The following HTR2C variants were observed in gnomAD, a reference collection of about 807,000 sequenced individuals.
The protein encoded by HTR2C is 5-hydroxytryptamine receptor 2C, also known as 5-hydroxytryptamine (serotonin) receptor 2C, G protein-coupled.
In HTR2C, 5 loss-of-function variants were observed where a neutral mutation model predicts 21.0. The observed-to-expected ratio is 0.24, with a 90% CI of 0.12 to 0.50. The LOEUF is 0.50. Among genes scored for constraint, HTR2C ranks in the 20% least tolerant of loss-of-function variants. The pLI is 0.98. For synonymous variants in HTR2C, 150 were observed against 145.3 expected (o/e 1.03, Z -0.23); for missense variants, 271 against 371.2 (o/e 0.73, Z 2.22).
chrX:114,806,653 ATATATACAC>A (rs2070449250), intron 4 of HTR2C, among the ~76,000 whole-genome samples: 1 of 96,619 alleles, frequency 1.0e-5, no homozygotes, highest in Non-Finnish European at 2.0e-5. Context: ...TATATACCAT[ATATATACAC>A]TATATATACT....
intron 1 of HTR2C, 119 bp from the exon 2 acceptor site, chrX:114,613,696 C>T (rs1336871276): frequency 8.9e-6 from 1 of 111,873 alleles, no homozygotes; most frequent in East Asian, 2.8e-4. Flanking sequence ...TCTTCTGAAG[C>T]TTATAGGTAT....
intron 5 of HTR2C, 27 bp from the exon 6 acceptor site, chrX:114,906,562 C>A (rs782371325): frequency 5.6e-6 from 6 of 1,072,334 alleles, no homozygotes; most frequent in Non-Finnish European, 7.6e-6. Flanking sequence ...GATGCTATAA[C>A]AACCCCCTTC....
intron 4 of HTR2C, among the ~76,000 whole-genome samples, chrX:114,800,024 T>C (rs2147425098): frequency 9.0e-6 from 1 of 110,761 alleles, no homozygotes; most frequent in African/African-American, 3.3e-5. Context: ...CCAAAAAAGG[T>C]GACTTTTGAG....
intron 4 of HTR2C, among the ~76,000 whole-genome samples, chrX:114,794,583 G>T (rs1301936890): frequency 2.2e-4 from 19 of 87,866 alleles, no homozygotes; most frequent in African/African-American, 8.0e-4. Context: ...GTGTCCATGT[G>T]TTCTCGTTGT....
At chrX:114,849,058 T>A (rs182169650) in intron 5 of HTR2C, among the ~76,000 whole-genome samples, 93 of 111,989 alleles carry the variant, frequency 8.3e-4, no homozygotes, top group African/African-American at 2.6e-3. Flanking sequence ...ATTTTGACTC[T>A]GGGTTTATTG....
chrX:114,638,599 T>G (rs1296680479), intron 2 of HTR2C, among the ~76,000 whole-genome samples: 3 of 106,481 alleles, frequency 2.8e-5, no homozygotes, highest in African/African-American at 1.0e-4. Context: ...TATGTATACA[T>G]GTGACATGCT....
At chrX:114,836,790 A>G (rs1249092258) in intron 4 of HTR2C, among the ~76,000 whole-genome samples, 1 of 108,334 alleles carries the variant, frequency 9.2e-6, no homozygotes, top group Admixed American at 9.6e-5. Context: ...TGAAAACAAA[A>G]TTGATTGATT....
intron 1 of HTR2C, among the ~76,000 whole-genome samples, chrX:114,608,551 G>C (rs147082082): frequency 0.027 from 3,029 of 111,393 alleles, 46 homozygotes; most frequent in Non-Finnish European, 0.043. Context: ...AAGAAGGGTT[G>C]GCAAACAAAA....
chrX:114,753,422 C>T (rs1449478508), intron 4 of HTR2C, among the ~76,000 whole-genome samples: 1 of 111,778 alleles, frequency 8.9e-6, no homozygotes, highest in African/African-American at 3.2e-5. Flanking sequence ...GAAACTAATA[C>T]ATTTGTCTTC....
intron 3 of HTR2C, among the ~76,000 whole-genome samples, chrX:114,729,025 G>C (rs1183707606): frequency 8.9e-6 from 1 of 112,057 alleles, no homozygotes; most frequent in Non-Finnish European, 1.9e-5. Flanking sequence ...TACTTGAGAT[G>C]ATCTTCAGCT....
At chrX:114,611,936 A>G (rs1445839366) in intron 1 of HTR2C, among the ~76,000 whole-genome samples, 3 of 110,978 alleles carry the variant, frequency 2.7e-5, no homozygotes, top group African/African-American at 9.9e-5. Flanking sequence ...TGACCTCGTG[A>G]TCCTCCTGCC....
At chrX:114,642,474 G>C (rs1930173747) in intron 2 of HTR2C, among the ~76,000 whole-genome samples, 1 of 111,912 alleles carries the variant, frequency 8.9e-6, no homozygotes, top group South Asian at 3.7e-4. Context: ...AAAACTTTGA[G>C]TGTTTAATTA....
intron 5 of HTR2C, among the ~76,000 whole-genome samples, chrX:114,855,207 C>A (rs2070949353): frequency 9.0e-6 from 1 of 111,195 alleles, no homozygotes; most frequent in African/African-American, 3.3e-5. Flanking sequence ...AAATCACTGA[C>A]TTTTTTATAT....
At chrX:114,905,356 C>T (rs1458905542) in intron 5 of HTR2C, among the ~76,000 whole-genome samples, 2 of 112,038 alleles carry the variant, frequency 1.8e-5, no homozygotes, top group Non-Finnish European at 3.8e-5. Context: ...ATTAAACATC[C>T]GTCAACATTC....
intron 2 of HTR2C, among the ~76,000 whole-genome samples, chrX:114,673,250 TAAG>T (rs1569483050): frequency 8.9e-6 from 1 of 112,313 alleles, no homozygotes; most frequent in Non-Finnish European, 1.9e-5. Context: ...CAAAAACCAG[TAAG>T]AAGCAAATTA....
chrX:114,834,074 T>G (rs1556462527), intron 4 of HTR2C, among the ~76,000 whole-genome samples: 1 of 110,962 alleles, frequency 9.0e-6, no homozygotes, highest in African/African-American at 3.3e-5. Context: ...GATAGTTTAT[T>G]ATAATCTCTG....
At chrX:114,644,367 ATATAT>A (rs1930270476) in intron 2 of HTR2C, among the ~76,000 whole-genome samples, 3,112 of 48,188 alleles carry the variant, frequency 0.065, 92 homozygotes, top group Non-Finnish European at 0.08. Flanking sequence ...AAATAAATAT[ATATAT>A]ATATATATAT....
intron 2 of HTR2C, among the ~76,000 whole-genome samples, chrX:114,702,078 G>C (rs782116831): frequency 7.3e-5 from 8 of 110,138 alleles, no homozygotes; most frequent in Non-Finnish European, 9.5e-5. Context: ...CCAAATCTAC[G>C]TCTGATTGGT....
chrX:114,759,197 C>G (rs2069842341), intron 4 of HTR2C, among the ~76,000 whole-genome samples: 1 of 111,544 alleles, frequency 9.0e-6, no homozygotes, highest in Admixed American at 9.6e-5. Context: ...GCATGTCAAA[C>G]TTTTCAGATC....
Sources: gnomAD v4.1 joint callset for allele counts (sites outside exome capture counted in the v4.1 genomes callset) on GRCh38, gnomAD v4.1.1 for gene constraint, MANE v1.5 for transcripts, NCBI Gene and HGNC (gene_info 2026-07-23, HGNC 2026-07-21) for gene names.